ZNF599: variants seen among roughly 807,000 people sequenced by gnomAD.
The protein encoded by ZNF599 is zinc finger protein 599.
ZNF599 carries 10 observed loss-of-function variants against 11.7 expected under a neutral mutation model. The observed-to-expected ratio is 0.86, with a 90% CI of 0.53 to 1.45. ZNF599 has a LOEUF of 1.45. Among genes scored for constraint, ZNF599 ranks in the 40% most tolerant of loss-of-function variants. The probability of loss-of-function intolerance (pLI) is 0.00; values close to 1 mark genes in which losing one functional copy is unlikely to be tolerated. For missense variants in ZNF599, 688 were observed against 713.6 expected (o/e 0.96, Z 0.41); for synonymous variants, 232 against 253.2 (o/e 0.92, Z 0.79).
At chr19:34,779,761 T>C in the ZNF599 span, 1 of 253,712 alleles carries the variant, frequency 3.9e-6, no homozygotes, top group Non-Finnish European at 7.7e-6. Context: ...TGGAGGCCTG[T>C]CTAAAGAATT....
At chr19:34,772,341 G>C in intron 1 of ZNF599, 1 of 992,470 alleles carries the variant, frequency 1.0e-6, no homozygotes, top group Non-Finnish European at 1.2e-6. Flanking sequence ...CTCACCTCTT[G>C]CCCTCGAGGC....
At chr19:34,773,574 G>A (rs541846790), upstream of ZNF599, among the ~76,000 whole-genome samples, 1 of 152,226 alleles carries the variant, frequency 6.6e-6, no homozygotes, top group Non-Finnish European at 1.5e-5. Flanking sequence ...TAAGGAAAAT[G>A]AAGATAATTA....
chr19:34,782,883 G>A, the ZNF599 span, among the ~76,000 whole-genome samples: 3 of 152,144 alleles, frequency 2.0e-5, no homozygotes, highest in Admixed American at 6.5e-5. Context: ...CCATGATGGA[G>A]GCTATTGACT....
chr19:34,798,706 T>C, the ZNF599 span, among the ~76,000 whole-genome samples: 1 of 152,254 alleles, frequency 6.6e-6, no homozygotes, highest in Non-Finnish European at 1.5e-5. Context: ...CTCTGTGAAG[T>C]TGCCTCATAC....
chr19:34,761,624 A>G (rs1350569834), intron 3 of ZNF599, among the ~76,000 whole-genome samples: 1 of 152,232 alleles, frequency 6.6e-6, no homozygotes, highest in African/African-American at 2.4e-5. Context: ...GAGAACTCAG[A>G]AATGTATATA....
upstream of ZNF599, among the ~76,000 whole-genome samples, chr19:34,775,293 C>T (rs1241631742): frequency 6.6e-6 from 1 of 152,172 alleles, no homozygotes; most frequent in African/African-American, 2.4e-5. Flanking sequence ...TGTGATATAT[C>T]CTTATAACAG....
the ZNF599 span, among the ~76,000 whole-genome samples, chr19:34,781,445 A>G: frequency 1.3e-5 from 2 of 152,198 alleles, no homozygotes; most frequent in South Asian, 2.1e-4. Flanking sequence ...ACTGAAAGCA[A>G]TGAAATGCTG....
At chr19:34,765,500 G>C in intron 3 of ZNF599, 1 of 695,288 alleles carries the variant, frequency 1.4e-6, no homozygotes, top group East Asian at 2.7e-5. Flanking sequence ...GATGTTTTCA[G>C]CTGCAGGGTT....
the ZNF599 span, among the ~76,000 whole-genome samples, chr19:34,798,601 G>A: frequency 5.9e-5 from 9 of 152,142 alleles, no homozygotes; most frequent in Admixed American, 5.2e-4. Context: ...TTATCAACTA[G>A]TGTACACTGC....
chr19:34,773,049 G>GT lies in ZNF599; in HGVS notation c.-209dup. Reference sequence around the variant, plus strand: ...CCCAGGAAGGGTTTTGCAGACGCTTGTGGGGGTGGGATCGCGGCTGACATA... The same window carrying GT: ...CCCAGGAAGGGTTTTGCAGACGCTTGTTGGGGGTGGGATCGCGGCTGACATA... On this transcript the variant is annotated 5_prime_UTR_variant, in exon 1 of 4. An upstream open reading frame in the 5' UTR loses its in-frame stop. Transcript: ENST00000329285. 1 of 563,392 alleles carries GT rather than the reference G, an allele frequency of 1.8e-6. No individual in the cohort carries two copies. The highest frequency in any genetic ancestry group is 3.0e-6 in the Non-Finnish European group (1 of 331,984). 34.9% of individuals were successfully genotyped at this position (563,392 alleles called of 1,614,324 possible). A position where few individuals can be genotyped will look rare whatever the true frequency, so the allele number is the denominator to read the frequency against.
the ZNF599 span, among the ~76,000 whole-genome samples, chr19:34,793,934 C>T: frequency 6.8e-4 from 103 of 152,262 alleles, no homozygotes; most frequent in South Asian, 0.02. Context: ...TCAGTTTTCA[C>T]GCTGCAGATA....
chr19:34,774,072 C>T (rs2069204379), upstream of ZNF599, among the ~76,000 whole-genome samples: 1 of 152,130 alleles, frequency 6.6e-6, no homozygotes, highest in East Asian at 1.9e-4. Context: ...GCGTATGCAT[C>T]TTTTTAAAAC....
chr19:34,764,759 G>C (rs1014070228), intron 3 of ZNF599: 1 of 152,190 alleles, frequency 6.6e-6, no homozygotes, highest in Admixed American at 6.5e-5. Context: ...GACAAAGAAT[G>C]AGCACAAGGA....
In ZNF599 at chr19:34,759,005, C is replaced by A; in HGVS notation, c.*29G>T. 1.9e-6 allele frequency: 3 copies of A among 1,567,120 alleles called. No individual in the cohort carries two copies. The highest frequency in any genetic ancestry group is 2.6e-6 in the Non-Finnish European group (3 of 1,156,154). Reference sequence around the variant, plus strand: ...CCACTATGAGTTCACTAAAGACAAACACACTTGTAATAGGCCTTCCTGTAT... The same window carrying A: ...CCACTATGAGTTCACTAAAGACAAAAACACTTGTAATAGGCCTTCCTGTAT... On this transcript the variant is annotated 3_prime_UTR_variant, in exon 4 of 4. Coordinates refer to ENST00000329285, the MANE Select transcript of ZNF599 (RefSeq NM_001007248.3).
the ZNF599 span, among the ~76,000 whole-genome samples, chr19:34,798,136 TTTACACAA>T: frequency 6.6e-6 from 1 of 152,234 alleles, no homozygotes; most frequent in Non-Finnish European, 1.5e-5. Flanking sequence ...TGGCATTGTC[TTTACACAA>T]TCCTGCATGC....
the ZNF599 span, among the ~76,000 whole-genome samples, chr19:34,778,550 G>A: frequency 8.5e-5 from 13 of 152,236 alleles, no homozygotes; most frequent in East Asian, 2.5e-3. Context: ...GCCAAAGTGA[G>A]AATATTTACA....
the ZNF599 span, among the ~76,000 whole-genome samples, chr19:34,803,413 G>C: frequency 6.6e-6 from 1 of 152,010 alleles, no homozygotes; most frequent in Non-Finnish European, 1.5e-5. Flanking sequence ...TAGGAGTTTC[G>C]GAACATCATC....
chr19:34,799,896 T>A, the ZNF599 span, among the ~76,000 whole-genome samples: 1 of 152,244 alleles, frequency 6.6e-6, no homozygotes, highest in African/African-American at 2.4e-5. Context: ...CACTTTGCAT[T>A]CCCAGCATCC....
At chr19:34,777,464 AT>A (rs1253095222), upstream of ZNF599, among the ~76,000 whole-genome samples, 35 of 98,826 alleles carry the variant, frequency 3.5e-4, no homozygotes, top group East Asian at 7.6e-3. Context: ...TATATAATAT[AT>A]TATATATTAA....
Sources: gnomAD v4.1 joint callset for allele counts (sites outside exome capture counted in the v4.1 genomes callset) on GRCh38, gnomAD v4.1.1 for gene constraint, MANE v1.5 for transcripts, NCBI Gene and HGNC (gene_info 2026-07-23, HGNC 2026-07-21) for gene names.